ADAMTS17: variants seen among roughly 807,000 people sequenced by gnomAD.
ADAMTS17 encodes ADAM metallopeptidase with thrombospondin type 1 motif 17.
Under a neutral mutation model 141.5 loss-of-function variants are expected in ADAMTS17, and 113 were observed. The ratio of observed to expected loss-of-function variants is 0.80; its 90% CI spans 0.69 to 0.93. The LOEUF is 0.93. Among genes scored for constraint, ADAMTS17 ranks in the 40% least tolerant of loss-of-function variants. ADAMTS17 has a pLI of 0.00. For synonymous variants in ADAMTS17, 768 were observed against 630.6 expected (o/e 1.22, Z -3.27); for missense variants, 1,659 against 1,517.9 (o/e 1.09, Z -1.54).
At chr15:100,309,647 C>G (rs1350216413) in intron 3 of ADAMTS17, among the ~76,000 whole-genome samples, 1 of 152,238 alleles carries the variant, frequency 6.6e-6, no homozygotes, top group East Asian at 1.9e-4. Context: ...ACAGATGACA[C>G]AAGCCATGCC....
At chr15:100,311,223 G>A (rs373034882) in intron 3 of ADAMTS17, among the ~76,000 whole-genome samples, 3 of 152,228 alleles carry the variant, frequency 2.0e-5, no homozygotes, top group East Asian at 3.9e-4. Context: ...TCCCTTGGAG[G>A]GAACATGAAC....
At chr15:100,316,491 GAC>G (rs1251669838) in intron 3 of ADAMTS17, among the ~76,000 whole-genome samples, 2 of 152,068 alleles carry the variant, frequency 1.3e-5, no homozygotes, top group East Asian at 1.9e-4. Flanking sequence ...CAACAATCTT[GAC>G]ACACACTCAC....
At chr15:100,281,712 G>A (rs563148635) in intron 3 of ADAMTS17, among the ~76,000 whole-genome samples, 11 of 152,260 alleles carry the variant, frequency 7.2e-5, no homozygotes, top group African/African-American at 1.4e-4. Flanking sequence ...AGAGAAGCAC[G>A]GAGAGCTGCC....
At chr15:100,216,140 C>T (rs1372480626) in intron 7 of ADAMTS17, among the ~76,000 whole-genome samples, 1 of 152,170 alleles carries the variant, frequency 6.6e-6, no homozygotes, top group African/African-American at 2.4e-5. Flanking sequence ...GCCTTGTGCC[C>T]CCTTTTGTAA....
At chr15:100,294,301 C>T (rs2044735921) in intron 3 of ADAMTS17, among the ~76,000 whole-genome samples, 1 of 152,134 alleles carries the variant, frequency 6.6e-6, no homozygotes. Flanking sequence ...TGGTCATATT[C>T]TCCAGCTGCC....
At chr15:100,265,868 T>A (rs1395190736) in intron 4 of ADAMTS17, among the ~76,000 whole-genome samples, 2 of 152,166 alleles carry the variant, frequency 1.3e-5, no homozygotes, top group East Asian at 3.9e-4. Flanking sequence ...CATTCTGGAG[T>A]CCACCCCAGC....
intron 10 of ADAMTS17, among the ~76,000 whole-genome samples, chr15:100,135,689 C>T (rs911526234): frequency 6.6e-6 from 1 of 151,938 alleles, no homozygotes. Context: ...TGTTTGTATC[C>T]AAAACATGAT....
chr15:100,152,551 C>T, intron 10 of ADAMTS17, 61 bp downstream of exon 10: 3 of 1,605,474 alleles, frequency 1.9e-6, no homozygotes, highest in Non-Finnish European at 2.5e-6. Context: ...AGAAGCCAGA[C>T]CTGCTGTGGG....
intron 20 of ADAMTS17, among the ~76,000 whole-genome samples, chr15:99,989,736 A>G (rs2573603): frequency 0.11 from 17,011 of 152,240 alleles, 2,923 homozygotes; most frequent in African/African-American, 0.37. Flanking sequence ...ATAAAAGGCC[A>G]GAAGCCCTAC....
At chr15:100,043,840 C>T (rs113258582) in intron 18 of ADAMTS17, among the ~76,000 whole-genome samples, 89 of 152,360 alleles carry the variant, frequency 5.8e-4, no homozygotes, top group African/African-American at 2.0e-3. Flanking sequence ...TTGGCTCAAA[C>T]GTGGCAACAC....
Position 100,262,304 on chromosome 15 carries a change from G to T in ADAMTS17, c.873+48C>A. 1.3e-6 allele frequency: 2 copies of T among 1,557,454 alleles called. 1 individual carries two copies. Among genetic ancestry groups the T allele is most frequent in the Non-Finnish European group, 1.8e-6 (2 of 1,129,316 alleles). ...ATTCAACAGCAGTTGAGAAGCTCCA[G>T]CCCAGCCACATTTTCTGCTTGCTTG... On this transcript the variant is annotated intron_variant, in intron 5 of 21. Transcript: ENST00000268070.
intron 10 of ADAMTS17, 71 bp downstream of exon 10, chr15:100,152,541 A>G: frequency 1.9e-6 from 3 of 1,601,684 alleles, no homozygotes; most frequent in Non-Finnish European, 2.5e-6. Context: ...GTCCTCCAGC[A>G]GAAGCCAGAC....
intron 18 of ADAMTS17, among the ~76,000 whole-genome samples, chr15:100,014,209 T>A (rs911622652): frequency 2.0e-5 from 3 of 152,238 alleles, no homozygotes; most frequent in Admixed American, 6.5e-5. Context: ...TCTTTCACAT[T>A]TCACTGGTAT....
chr15:100,095,648 G>C (rs944879880), intron 15 of ADAMTS17, among the ~76,000 whole-genome samples: 1 of 152,222 alleles, frequency 6.6e-6, no homozygotes, highest in Non-Finnish European at 1.5e-5. Context: ...TGGCTTGCCT[G>C]CCTCGTGCTC....
At chr15:100,256,795 C>G (rs927394603) in intron 6 of ADAMTS17, 1 of 152,686 alleles carries the variant, frequency 6.5e-6, no homozygotes, top group Non-Finnish European at 1.5e-5. Flanking sequence ...TCTCTGCGTT[C>G]TCAGCTTTCT....
At chr15:100,173,472 A>G (rs981974885) in intron 8 of ADAMTS17, among the ~76,000 whole-genome samples, 9 of 152,174 alleles carry the variant, frequency 5.9e-5, no homozygotes, top group African/African-American at 2.2e-4. Context: ...ACAAGGCACC[A>G]AGATAGCTTG....
rs8034605 is a variant in ADAMTS17, at chr15:100,154,945, G to A, written c.1322+235C>T. ...ACAGGGTGACTATGTTGACATTTGA[G>A]TCGATCGGCAATTACGTAATGATCA... On this transcript the variant is annotated intron_variant, in intron 9 of 21. Coordinates refer to ENST00000268070, the MANE Select transcript of ADAMTS17 (RefSeq NM_139057.4). Among the ~76,000 whole-genome samples, 40,305 of 152,122 alleles carry A rather than the reference G, an allele frequency of 0.26. 5,448 individuals carry two copies. Among genetic ancestry groups the A allele is most frequent in the Middle Eastern group, 0.33 (98 of 294 alleles).
At chr15:100,322,552 A>G (rs1249266013) in intron 3 of ADAMTS17, among the ~76,000 whole-genome samples, 5 of 152,242 alleles carry the variant, frequency 3.3e-5, no homozygotes, top group African/African-American at 1.2e-4. Context: ...TGACACATGA[A>G]TAACTTGGAA....
At chr15:100,259,961 C>T (rs1195139997) in intron 6 of ADAMTS17, among the ~76,000 whole-genome samples, 1 of 152,210 alleles carries the variant, frequency 6.6e-6, no homozygotes, top group Non-Finnish European at 1.5e-5. Context: ...TCTCCTGCCT[C>T]AGCCTCCCAA....
Sources: allele counts gnomAD v4.1 joint callset (sites outside exome capture counted in the v4.1 genomes callset), GRCh38; gene constraint gnomAD v4.1.1; transcripts MANE v1.5; gene names NCBI Gene and HGNC (gene_info 2026-07-23, HGNC 2026-07-21).